The following HDGFL3 variants were observed in gnomAD, a reference collection of about 807,000 sequenced individuals.
HDGFL3 encodes HDGF like 3.
HDGFL3 carries 6 observed loss-of-function variants against 27.6 expected under a neutral mutation model. The observed-to-expected ratio is 0.22, with a 90% CI of 0.12 to 0.43. The LOEUF is 0.43. Among genes scored for constraint, HDGFL3 ranks in the 20% least tolerant of loss-of-function variants. The probability of loss-of-function intolerance (pLI) is 1.00; values close to 1 mark genes in which losing one functional copy is unlikely to be tolerated. For missense variants in HDGFL3, 207 were observed against 250.1 expected, an observed-to-expected ratio of 0.83 and a Z score of 1.16; for synonymous variants, 88 against 88.9, an observed-to-expected ratio of 0.99 and a Z score of 0.05.
chr15:83,125,360 C>T (rs138565320), downstream of HDGFL3, among the ~76,000 whole-genome samples: 92 of 152,266 alleles, frequency 6.0e-4, 1 homozygote, highest in South Asian at 4.1e-3. Flanking sequence ...TATTTTACTG[C>T]AGAGGTTAGG....
At chr15:83,122,931 C>G, downstream of HDGFL3, 1 of 1,599,836 alleles carries the variant, frequency 6.3e-7, no homozygotes, top group Non-Finnish European at 8.5e-7. Flanking sequence ...AGGGTTCTTT[C>G]GCATCCACTG....
intron 1 of HDGFL3, among the ~76,000 whole-genome samples, chr15:83,174,216 G>A (rs1325171170): frequency 6.6e-6 from 1 of 152,064 alleles, no homozygotes; most frequent in Non-Finnish European, 1.5e-5. Flanking sequence ...CTCTGAATCT[G>A]TTTTTCTTCC....
chr15:83,205,058 C>A (rs1393473733), intron 1 of HDGFL3, among the ~76,000 whole-genome samples: 1 of 152,202 alleles, frequency 6.6e-6, no homozygotes. Flanking sequence ...CCCACAGTAT[C>A]TAATGCCCAC....
At chr15:83,181,085 C>T (rs922989778) in intron 1 of HDGFL3, 2 of 152,146 alleles carry the variant, frequency 1.3e-5, no homozygotes, top group Non-Finnish European at 2.9e-5. Context: ...AGTGATAGAA[C>T]AATCTTATAG....
intron 2 of HDGFL3, among the ~76,000 whole-genome samples, chr15:83,160,346 C>T (rs1314035136): frequency 7.2e-5 from 11 of 151,976 alleles, no homozygotes; most frequent in Admixed American, 7.2e-4. Context: ...GCCACCATAC[C>T]CAGTTAATTT....
intron 1 of HDGFL3, among the ~76,000 whole-genome samples, chr15:83,175,934 G>A (rs1039639497): frequency 6.6e-5 from 10 of 152,326 alleles, no homozygotes; most frequent in African/African-American, 2.4e-4. Flanking sequence ...CTGGACAGAT[G>A]AGACAGATTC....
In HDGFL3 at chr15:83,158,011, T is replaced by C. The variant is rs2037054724; in HGVS notation, c.192A>G (p.Pro64=). The C allele has an allele frequency of 6.2e-6, 10 of 1,611,212 alleles. No individual in the cohort carries two copies. The highest frequency in any genetic ancestry group is 2.2e-5 in the South Asian group (2 of 90,860). ...TAFLGPKDLF[P]YKEYKDKFGK... is the part of the protein sequence containing the mutation. Reference sequence around the variant, plus strand: ...CAAACTTGTCTTTGTACTCCTTATATGGAAAAAGGTCTTTGGGACCTAGAA... The same window carrying C: ...CAAACTTGTCTTTGTACTCCTTATACGGAAAAAGGTCTTTGGGACCTAGAA... Residue 64 remains proline (P), a synonymous_variant, in exon 3 of 6, where the codon CCA becomes CCG. Transcript: ENST00000299633.
intron 5 of HDGFL3, among the ~76,000 whole-genome samples, chr15:83,147,915 G>C (rs1259502782): frequency 6.6e-6 from 1 of 152,186 alleles, no homozygotes; most frequent in Non-Finnish European, 1.5e-5. Context: ...AGAGTATGTA[G>C]AGAAGTCCTA....
chr15:83,207,346 C>T lies in HDGFL3; in HGVS notation c.69G>A (p.Pro23=), dbSNP rs760943990. The T allele has an allele frequency of 5.0e-6, 7 of 1,399,582 alleles. No individual in the cohort carries two copies. Among genetic ancestry groups the T allele is most frequent in the South Asian group, 1.8e-5 (1 of 56,580 alleles). The allele number at this position is 1,399,582 out of a possible 1,614,324, so 86.7% of individuals were successfully genotyped here. ...CGGTACTCACCCGGGCCGGCCAGTG[C>T]GGGTAGCCCTTCATCTTGGCGAAGA... ...DLVFAKMKGY[P]HWPARIDELP... The change falls in exon 1 of 6, where the codon CCG becomes CCA. Residue 23 remains proline, a synonymous_variant. Transcript: ENST00000299633. This position sits in a 1 kb window ranked among gnomAD's most constrained non-coding sequence, Gnocchi z 4.8.
At chr15:83,122,766 GA>G, downstream of HDGFL3, 1 of 1,613,792 alleles carries the variant, frequency 6.2e-7, no homozygotes, top group Non-Finnish European at 8.5e-7. Flanking sequence ...GGGAAGTATG[GA>G]ACACGAATTT....
chr15:83,146,197 G>C (rs1167600554), intron 5 of HDGFL3, among the ~76,000 whole-genome samples: 2 of 151,938 alleles, frequency 1.3e-5, no homozygotes, highest in African/African-American at 4.8e-5. Flanking sequence ...CTTAAAACAA[G>C]TGATTCACAA....
At chr15:83,161,200 G>T (rs544158328) in intron 2 of HDGFL3, among the ~76,000 whole-genome samples, 1 of 152,258 alleles carries the variant, frequency 6.6e-6, no homozygotes, top group South Asian at 2.1e-4. Context: ...GCTAATCAGG[G>T]CTTGCCTATA....
At chr15:83,144,751 T>C (rs2036856458) in intron 5 of HDGFL3, 1 of 343,504 alleles carries the variant, frequency 2.9e-6, no homozygotes, top group Admixed American at 4.0e-5. Context: ...GGTATCTCAG[T>C]TCCTTTTGCA....
chr15:83,160,710 G>C (rs575402348), intron 2 of HDGFL3, among the ~76,000 whole-genome samples: 1 of 152,156 alleles, frequency 6.6e-6, no homozygotes, highest in Non-Finnish European at 1.5e-5. Flanking sequence ...TATCAGTAAA[G>C]AGAAGATACT....
At position 83,207,486 on chromosome 15, in the gene HDGFL3, A is replaced by G. The variant is rs543506432; in HGVS notation, c.-72T>C. 8.7e-7 allele frequency: 1 copy of G among 1,145,436 alleles called. No homozygotes were observed. The highest frequency in any genetic ancestry group is 1.6e-5 in the African/African-American group (1 of 61,822). The allele number at this position is 1,145,436 out of a possible 1,614,324, so 71.0% of individuals were successfully genotyped here. A position where few individuals can be genotyped will look rare whatever the true frequency, so the allele number is the denominator to read the frequency against. ...CGGGAGGCCGCCCCCCCGCGGGCCG[A>G]CGAATTGCGCCGCGCTCCCCGCGGG... On this transcript the variant is annotated 5_prime_UTR_variant, in exon 1 of 6. Transcript: ENST00000299633. This position sits in a 1 kb window ranked among gnomAD's most constrained non-coding sequence, Gnocchi z 4.8.
rs574408787 is a variant in HDGFL3 at position 83,207,471 on chromosome 15, C to A, written c.-57G>T. 1.7e-6 allele frequency: 2 copies of A among 1,204,276 alleles called. No homozygotes were observed. The highest frequency in any genetic ancestry group is 2.1e-6 in the Non-Finnish European group (2 of 950,204). The allele number at this position is 1,204,276 out of a possible 1,614,324, so 74.6% of individuals were successfully genotyped here. On this transcript the variant is annotated 5_prime_UTR_variant, in exon 1 of 6. Transcript: ENST00000299633. The surrounding 1 kb of genome is among the most constrained non-coding windows in gnomAD (Gnocchi z 4.8). Reference sequence around the variant, plus strand: ...TCGCCGCGAAGATGCCGGGAGGCCGCCCCCCCGCGGGCCGACGAATTGCGC... The same window carrying A: ...TCGCCGCGAAGATGCCGGGAGGCCGACCCCCCGCGGGCCGACGAATTGCGC...
intron 5 of HDGFL3, among the ~76,000 whole-genome samples, chr15:83,147,765 A>AGTCTG (rs2036916358): frequency 6.6e-6 from 1 of 152,238 alleles, no homozygotes; most frequent in Non-Finnish European, 1.5e-5. Context: ...ATAAAAGGAA[A>AGTCTG]GTCTGATAAA....
At chr15:83,118,955 C>G (rs1046463512) in intron 3 of HDGFL3, among the ~76,000 whole-genome samples, 1 of 152,126 alleles carries the variant, frequency 6.6e-6, no homozygotes, top group Non-Finnish European at 1.5e-5. Context: ...ATACTAGCTA[C>G]GTGACCTTAG....
At chr15:83,171,307 G>A (rs999959504) in intron 1 of HDGFL3, among the ~76,000 whole-genome samples, 7 of 151,214 alleles carry the variant, frequency 4.6e-5, no homozygotes, top group Non-Finnish European at 1.5e-5. Context: ...CTGTAAATTA[G>A]TTCAGCCACT....
Sources: allele counts gnomAD v4.1 joint callset (sites outside exome capture counted in the v4.1 genomes callset), GRCh38; gene constraint gnomAD v4.1.1; non-coding constraint Gnocchi (gnomAD v3.1); transcripts MANE v1.5; gene names NCBI Gene and HGNC (gene_info 2026-07-23, HGNC 2026-07-21).